Variants in RYR2 observed in about 807,000 individuals in gnomAD.
RYR2 encodes ryanodine receptor 2, also known as cardiac muscle ryanodine receptor-calcium release channel.
RYR2 carries 227 observed loss-of-function variants against 601.1 expected under a neutral mutation model. The ratio of observed to expected loss-of-function variants is 0.38; its 90% CI spans 0.34 to 0.42. RYR2 has a LOEUF of 0.42. Among genes scored for constraint, RYR2 ranks in the 10% least tolerant of loss-of-function variants. The probability of loss-of-function intolerance (pLI) is 1.00; values close to 1 mark genes in which losing one functional copy is unlikely to be tolerated. For synonymous variants in RYR2, 2,223 were observed against 2,175.1 expected, an observed-to-expected ratio of 1.02 and a Z score of -0.61; for missense variants, 4,646 against 6,156.5, an observed-to-expected ratio of 0.75 and a Z score of 8.21.
intron 1 of RYR2, among the ~76,000 whole-genome samples, chr1:237,191,544 T>C (rs1679968059): frequency 6.6e-6 from 1 of 152,146 alleles, no homozygotes; most frequent in South Asian, 2.1e-4. Context: ...AAATGTGAGC[T>C]GTTGGATAGA....
At chr1:237,302,122 C>G (rs1330799790) in intron 2 of RYR2, among the ~76,000 whole-genome samples, 1 of 152,086 alleles carries the variant, frequency 6.6e-6, no homozygotes, top group Non-Finnish European at 1.5e-5. Flanking sequence ...TCACTGCACT[C>G]ATAAAACTTA....
chr1:237,224,851 C>A (rs547638924), intron 1 of RYR2, among the ~76,000 whole-genome samples: 1 of 152,064 alleles, frequency 6.6e-6, no homozygotes, highest in Non-Finnish European at 1.5e-5. Context: ...CAGAGCAAGA[C>A]TTTGTCATTT....
intron 15 of RYR2, among the ~76,000 whole-genome samples, chr1:237,455,693 AAACTGACAT>A (rs1409447371): frequency 6.6e-6 from 1 of 152,228 alleles, no homozygotes; most frequent in Non-Finnish European, 1.5e-5. Context: ...GAAACGCTTG[AAACTGACAT>A]AACTTTTTGA....
chr1:237,569,340 GT>G (rs199807572), intron 29 of RYR2, 21 bp downstream of exon 29: 7 of 1,607,052 alleles, frequency 4.4e-6, no homozygotes, highest in East Asian at 2.2e-5. Context: ...TATGTTTTGT[GT>G]TTTTTTTAAG....
chr1:237,209,968 G>A (rs1181482189), intron 1 of RYR2, among the ~76,000 whole-genome samples: 1 of 152,026 alleles, frequency 6.6e-6, no homozygotes, highest in Non-Finnish European at 1.5e-5. Flanking sequence ...TTTTTAATGA[G>A]AAATATAACA....
At chr1:237,358,177 G>T (rs540107227) in intron 4 of RYR2, among the ~76,000 whole-genome samples, 4 of 152,038 alleles carry the variant, frequency 2.6e-5, no homozygotes, top group African/African-American at 7.2e-5. Context: ...GACCTTTCTC[G>T]TATTCCAAGA....
chr1:237,169,068 T>A (rs145519882), intron 1 of RYR2, among the ~76,000 whole-genome samples: 1 of 152,344 alleles, frequency 6.6e-6, no homozygotes, highest in Non-Finnish European at 1.5e-5. Flanking sequence ...ATACCTTGGG[T>A]ATGTCATGGT....
At chr1:237,381,251 C>CAAAAAAAAAAAAAAAAA (rs60493059) in intron 8 of RYR2, among the ~76,000 whole-genome samples, 1 of 45,768 alleles carries the variant, frequency 2.2e-5, no homozygotes, top group African/African-American at 5.6e-5. Context: ...GACTCCGTCT[C>CAAAAAAAAAAAAAAAAA]AAAAAAAAAA....
intron 1 of RYR2, among the ~76,000 whole-genome samples, chr1:237,048,442 A>G (rs1660858488): frequency 6.6e-6 from 1 of 151,898 alleles, no homozygotes; most frequent in African/African-American, 2.4e-5. Context: ...CTCCTGCAAC[A>G]AATCGGCAAC....
chr1:237,542,858 T>C (rs1338499947), intron 25 of RYR2, among the ~76,000 whole-genome samples: 2 of 152,118 alleles, frequency 1.3e-5, no homozygotes, highest in African/African-American at 4.8e-5. Context: ...CTGAGTACAA[T>C]ATAGGAAGCA....
intron 1 of RYR2, among the ~76,000 whole-genome samples, chr1:237,257,312 T>C (rs1688090620): frequency 6.6e-6 from 1 of 152,180 alleles, no homozygotes; most frequent in Admixed American, 6.5e-5. Context: ...GTAATAGTAA[T>C]TAACTCATAG....
intron 39 of RYR2, among the ~76,000 whole-genome samples, chr1:237,625,290 A>G (rs1679530732): frequency 6.6e-6 from 1 of 152,140 alleles, no homozygotes; most frequent in Admixed American, 6.6e-5. Flanking sequence ...TCTGTGGGGC[A>G]TGGTGTAGGC....
intron 23 of RYR2, among the ~76,000 whole-genome samples, chr1:237,509,279 C>G (rs1037216582): frequency 6.6e-6 from 1 of 152,168 alleles, no homozygotes; most frequent in Admixed American, 6.5e-5. Context: ...TTTCCAAGAC[C>G]TTCCCTGAAA....
intron 100 of RYR2, among the ~76,000 whole-genome samples, chr1:237,811,129 C>T (rs1661208908): frequency 6.6e-6 from 1 of 151,952 alleles, no homozygotes; most frequent in African/African-American, 2.4e-5. Flanking sequence ...GTTTTTTCCC[C>T]ACCATGTTAT....
rs557295590 is a variant in RYR2, at chr1:237,322,954, C to T, written c.169-7924C>T. Among the ~76,000 whole-genome samples, 18 of 151,532 alleles carry T rather than the reference C, an allele frequency of 1.2e-4. No individual in the cohort carries two copies. In the South Asian group the frequency reaches 3.8e-3, roughly 32 times the overall value. On this transcript the variant is annotated intron_variant, in intron 2 of 104. Transcript: ENST00000366574. ...AACTGCAACAGTGTTTCAAATATTT[C>T]CATTTATATGTTTGTTCTGTGGTGT...
chr1:237,055,340 G>A (rs576152789), intron 1 of RYR2, among the ~76,000 whole-genome samples: 2 of 152,156 alleles, frequency 1.3e-5, no homozygotes, highest in East Asian at 1.9e-4. Context: ...GAGAAAAATG[G>A]GTCAGAGCTG....
intron 42 of RYR2, among the ~76,000 whole-genome samples, chr1:237,632,901 G>T (rs1379122794): frequency 2.0e-5 from 3 of 152,112 alleles, no homozygotes; most frequent in Admixed American, 1.3e-4. Context: ...TTACCAGTTA[G>T]ACAGGCTTAG....
In RYR2 at chr1:237,106,539, G is replaced by A. The variant is rs1166807040; in HGVS notation, c.48+63970G>A. Among the ~76,000 whole-genome samples, 3 of 152,202 alleles carry A rather than the reference G, an allele frequency of 2.0e-5. No homozygotes were observed. The highest frequency in any genetic ancestry group is 3.9e-4 in the East Asian group (2 of 5,190). On this transcript the variant is annotated intron_variant, in intron 1 of 104. Coordinates refer to ENST00000366574, the MANE Select transcript of RYR2 (RefSeq NM_001035.3). This position sits in a 1 kb window ranked among gnomAD's most constrained non-coding sequence, Gnocchi z 4.4. ...AGATCAAGAGTTTCATTCTGGAAAT[G>A]TGGGGGTTTTCGCTGTCTGTCAGAG...
At chr1:237,589,451 A>G (rs1359306492) in intron 29 of RYR2, among the ~76,000 whole-genome samples, 4 of 152,150 alleles carry the variant, frequency 2.6e-5, no homozygotes, top group Admixed American at 1.3e-4. Flanking sequence ...GAGAGAGTAC[A>G]TGCACTCCTG....
Sources: allele counts gnomAD v4.1 joint callset (sites outside exome capture counted in the v4.1 genomes callset), GRCh38; gene constraint gnomAD v4.1.1; non-coding constraint Gnocchi (gnomAD v3.1); transcripts MANE v1.5; gene names NCBI Gene and HGNC (gene_info 2026-07-23, HGNC 2026-07-21).